The following UPK1A variants were observed in gnomAD, a reference collection of about 807,000 sequenced individuals.
The protein encoded by UPK1A is uroplakin 1A.
In UPK1A, 31 loss-of-function variants were observed where a neutral mutation model predicts 32.3. The ratio of observed to expected loss-of-function variants is 0.96; its 90% confidence interval spans 0.72 to 1.30. The LOEUF (loss-of-function observed/expected upper bound fraction) is 1.30. Among genes scored for constraint, UPK1A ranks in the 50% most tolerant of loss-of-function variants. The probability of loss-of-function intolerance (pLI) is 0.00; values close to 1 mark genes in which losing one functional copy is unlikely to be tolerated. For missense variants in UPK1A, 340 were observed against 357.4 expected (o/e 0.95, Z 0.39); for synonymous variants, 135 against 137.1 (o/e 0.98, Z 0.11).
At chr19:35,672,109 G>T (rs1486506527) in intron 3 of UPK1A, among the ~76,000 whole-genome samples, 2 of 152,158 alleles carry the variant, frequency 1.3e-5, no homozygotes, top group Non-Finnish European at 2.9e-5. Context: ...GACATGAAAA[G>T]AATTTGCATT....
At chr19:35,677,034 C>T (rs1968191485) in intron 6 of UPK1A, among the ~76,000 whole-genome samples, 1 of 151,646 alleles carries the variant, frequency 6.6e-6, no homozygotes, top group Non-Finnish European at 1.5e-5. Context: ...CCAGCCTGGG[C>T]AACATATCAA....
chr19:35,673,593 A>G (rs113559151), intron 5 of UPK1A, 48 bp downstream of exon 5: 139,008 of 1,530,890 alleles, frequency 0.091, 7,240 homozygotes, highest in East Asian at 0.23. Context: ...CTCCGTCCAC[A>G]GAGGCCGATA....
chr19:35,673,168 T>C (rs1327320607), intron 3 of UPK1A, 64 bp from the exon 4 acceptor site: 26 of 1,550,866 alleles, frequency 1.7e-5, no homozygotes, highest in Non-Finnish European at 2.1e-5. Flanking sequence ...CCAGTGATGC[T>C]TCCCTGACGG....
At chr19:35,668,497 C>A in exon 3 of UPK1A, 1 of 1,614,184 alleles carries the variant, frequency 6.2e-7, no homozygotes, top group Non-Finnish European at 8.5e-7. Flanking sequence ...TGGGTGACAG[C>A]CGACCAGTAC....
chr19:35,669,593 C>A (rs563924469), intron 3 of UPK1A, among the ~76,000 whole-genome samples: 2 of 152,074 alleles, frequency 1.3e-5, no homozygotes, highest in South Asian at 2.1e-4. Flanking sequence ...ATCACTAGAA[C>A]CCGGGAGGCA....
intron 3 of UPK1A, among the ~76,000 whole-genome samples, chr19:35,669,305 C>T (rs866343323): frequency 6.6e-6 from 1 of 152,130 alleles, no homozygotes; most frequent in African/African-American, 2.4e-5. Flanking sequence ...AATCTCTGCC[C>T]ACAAGAATAA....
exon 5 of UPK1A, chr19:35,673,488 C>A (rs780429103): frequency 6.2e-7 from 1 of 1,613,460 alleles, no homozygotes; most frequent in South Asian, 1.1e-5. Flanking sequence ...CCTTCTACAG[C>A]GCGGACACCG....
chr19:35,674,372 G>T (rs1218811904), intron 5 of UPK1A, among the ~76,000 whole-genome samples: 1 of 148,766 alleles, frequency 6.7e-6, no homozygotes, highest in South Asian at 2.2e-4. Flanking sequence ...TCAGCCTCCC[G>T]AATAGCTGGG....
intron 6 of UPK1A, 54 bp downstream of exon 6, chr19:35,676,073 G>T: frequency 1.3e-6 from 2 of 1,549,426 alleles, no homozygotes; most frequent in Non-Finnish European, 1.7e-6. Flanking sequence ...TCTTCCTCTG[G>T]TCTCTGCTCC....
rs1352568018 is a variant in UPK1A at position 35,673,316 on chromosome 19, G to A, written c.360+10G>A. The A allele has an allele frequency of 6.2e-7, 1 of 1,613,958 alleles. No individual in the cohort carries two copies. Among genetic ancestry groups the A allele is most frequent in the East Asian group, 2.2e-5 (1 of 44,856 alleles). ...CACCCACCGTGACTACGTGAGCCCGGCGAGGCCTGGGGAGGGGCCTGACCT... is the reference window on the plus strand; with the variant it reads ...CACCCACCGTGACTACGTGAGCCCGACGAGGCCTGGGGAGGGGCCTGACCT... On this transcript the variant is annotated intron_variant, in intron 4 of 7. Transcript: ENST00000617999.
At chr19:35,668,362 G>T (rs755223451) in intron 2 of UPK1A, 92 bp from the exon 3 acceptor site, 4 of 1,486,070 alleles carry the variant, frequency 2.7e-6, no homozygotes, top group Admixed American at 3.5e-5. Flanking sequence ...GGCAGTGGAG[G>T]CTCCAAATGG....
At position 35,666,804 on chromosome 19, in the gene UPK1A, C is replaced by A; in HGVS notation, c.-4-5C>A. The A allele has an allele frequency of 6.2e-7, 1 of 1,613,972 alleles. No homozygotes were observed. Among genetic ancestry groups the A allele is most frequent in the Non-Finnish European group, 8.5e-7 (1 of 1,179,906 alleles). On this transcript the variant is annotated splice_polypyrimidine_tract_variant and splice_region_variant and intron_variant, in intron 1 of 7. Transcript: ENST00000617999. ...CCTGGCCTCATCCCTGCTCATGTGT[C>A]CCAGGATGATGGCGTCTGCGGCAGC...
chr19:35,668,502 C>T lies in UPK1A; in HGVS notation c.133C>T (p.Gln45Ter). The stretch of plus-strand genomic sequence containing the variant: ...TGAGACCATATGGGTGACAGCCGAC[C>T]AGTACCGTGTATACCCACTGATGGG... Residue 45 changes from glutamine (Q) to a stop codon, truncating the protein, a stop_gained, in exon 3 of 8, where the codon CAG (glutamine) becomes TAG (stop). Coordinates refer to ENST00000617999, the Ensembl canonical transcript of UPK1A. LOFTEE classifies it high-confidence loss of function. 1.9e-6 allele frequency: 3 copies of T among 1,614,198 alleles called. No homozygotes were observed. The highest frequency in any genetic ancestry group is 2.5e-6 in the Non-Finnish European group (3 of 1,180,044).
Position 35,673,655 on chromosome 19 carries a change from C to T in UPK1A, c.468+110C>T, listed in dbSNP as rs544357100. On this transcript the variant is annotated intron_variant, in intron 5 of 7. Transcript: ENST00000617999. ...GGAGTGAGTGCCTTAAAGACATCCG[C>T]TCATGAGATCTCTAGGAGAGCAGGG... 55 of 878,622 alleles carry T rather than the reference C, an allele frequency of 6.3e-5. No homozygotes were observed. In the African/African-American group the frequency reaches 8.7e-4, roughly 14 times the overall value. 54.4% of individuals were successfully genotyped at this position (878,622 alleles called of 1,614,324 possible).
chr19:35,673,334 C>A, intron 4 of UPK1A, 28 bp downstream of exon 4: 1 of 1,613,530 alleles, frequency 6.2e-7, no homozygotes. Context: ...TGGGGAGGGG[C>A]CTGACCTGCA....
chr19:35,670,713 C>A (rs1386554054), intron 3 of UPK1A, among the ~76,000 whole-genome samples: 1 of 102,284 alleles, frequency 9.8e-6, no homozygotes, highest in Admixed American at 1.3e-4. Flanking sequence ...TTCCTTCCTT[C>A]CTTCCTTTCT....
chr19:35,669,677 A>G (rs746235812), intron 3 of UPK1A, among the ~76,000 whole-genome samples: 7 of 151,950 alleles, frequency 4.6e-5, no homozygotes, highest in Non-Finnish European at 8.8e-5. Context: ...TCTCAAAAAA[A>G]AGGAAAGAAA....
intron 6 of UPK1A, among the ~76,000 whole-genome samples, chr19:35,677,089 T>C (rs1465456674): frequency 6.6e-6 from 1 of 151,400 alleles, no homozygotes; most frequent in Admixed American, 6.6e-5. Context: ...CCAGGCGTGG[T>C]GGTGCGCGCC....
At chr19:35,674,427 TA>T (rs1968152251) in intron 5 of UPK1A, among the ~76,000 whole-genome samples, 1 of 151,810 alleles carries the variant, frequency 6.6e-6, no homozygotes, top group East Asian at 2.0e-4. Context: ...TTTGTATTTT[TA>T]GTAGAGATGG....
Sources: allele counts gnomAD v4.1 joint callset (sites outside exome capture counted in the v4.1 genomes callset), GRCh38; gene constraint gnomAD v4.1.1; transcripts MANE v1.5; gene names NCBI Gene and HGNC (gene_info 2026-07-23, HGNC 2026-07-21).